LRRTM4: variants seen among roughly 807,000 people sequenced by gnomAD.
LRRTM4 encodes the protein leucine rich repeat transmembrane neuronal 4, also known as leucine-rich repeat transmembrane neuronal protein 4.
LRRTM4 carries 25 observed loss-of-function variants against 47.6 expected under a neutral mutation model. That is an observed-to-expected ratio of 0.53 (90% CI 0.38 to 0.73). LRRTM4 has a LOEUF of 0.73. Ranked by LOEUF, LRRTM4 falls within the 30% of genes least tolerant of loss-of-function variation. LRRTM4 has a pLI of 0.00. For missense variants in LRRTM4, 638 were observed against 713.4 expected (o/e 0.89, Z 1.20); for synonymous variants, 311 against 269.5 (o/e 1.15, Z -1.51).
intron 3 of LRRTM4, among the ~76,000 whole-genome samples, chr2:76,987,971 A>T (rs1288675975): frequency 6.6e-6 from 1 of 151,958 alleles, no homozygotes; most frequent in Non-Finnish European, 1.5e-5. Flanking sequence ...TCAAATGCTA[A>T]ATATGCAGGG....
intron 3 of LRRTM4, among the ~76,000 whole-genome samples, chr2:76,916,408 G>GAA (rs1674252298): frequency 9.4e-6 from 1 of 106,088 alleles, no homozygotes. Context: ...AAAAAAAAAA[G>GAA]AAAAGAAAAA....
At chr2:77,175,619 C>T (rs1452175449) in intron 3 of LRRTM4, among the ~76,000 whole-genome samples, 1 of 152,188 alleles carries the variant, frequency 6.6e-6, no homozygotes, top group Non-Finnish European at 1.5e-5. Context: ...TGACCTCCAC[C>T]TTCTCACCAC....
chr2:77,305,208 A>G (rs1347959127), intron 3 of LRRTM4, among the ~76,000 whole-genome samples: 3 of 152,052 alleles, frequency 2.0e-5, no homozygotes, highest in South Asian at 2.1e-4. Flanking sequence ...AACATCAATT[A>G]TCTAGTTTTC....
At chr2:77,082,684 AT>A (rs1558568999) in intron 3 of LRRTM4, among the ~76,000 whole-genome samples, 1 of 106,336 alleles carries the variant, frequency 9.4e-6, no homozygotes, top group African/African-American at 5.4e-5. Flanking sequence ...AAATATTAAC[AT>A]AAAGTAGAGA....
chr2:77,498,720 C>T (rs1463910520), intron 3 of LRRTM4, among the ~76,000 whole-genome samples: 1 of 151,746 alleles, frequency 6.6e-6, no homozygotes, highest in Non-Finnish European at 1.5e-5. Flanking sequence ...ATTCTTTAAG[C>T]CTATAGTACT....
intron 3 of LRRTM4, among the ~76,000 whole-genome samples, chr2:76,969,487 C>T (rs1676146836): frequency 6.6e-6 from 1 of 151,722 alleles, no homozygotes; most frequent in African/African-American, 2.4e-5. Context: ...AATTTTAGGC[C>T]ATTCAGGTGG....
Position 76,803,629 on chromosome 2 carries a change from CTTTTTAAAGAGTAAT to C in LRRTM4, c.1552-54728_1552-54714del, listed in dbSNP as rs1331229489. 2.6e-5 allele frequency among the ~76,000 whole-genome samples: 4 copies of C among 152,144 alleles called. No individual in the cohort carries two copies. In the South Asian group the frequency reaches 6.2e-4, roughly 24 times the overall value. On this transcript the variant is annotated intron_variant, in intron 3 of 3. Transcript: ENST00000409884. ...CAAAGGAAATAAAATCAGTGAAAAG[CTTTTTAAAGAGTAAT>C]TTTTTAAAGAGTATTTGAAGAAAAG... is the stretch of plus-strand genomic sequence containing the variant.
chr2:77,206,899 T>A (rs971487084), intron 3 of LRRTM4, among the ~76,000 whole-genome samples: 10 of 151,946 alleles, frequency 6.6e-5, no homozygotes, highest in Non-Finnish European at 1.3e-4. Flanking sequence ...ACATTTCACA[T>A]CAAAAACAGC....
At chr2:77,000,613 T>G (rs1432140258) in intron 3 of LRRTM4, among the ~76,000 whole-genome samples, 2 of 152,160 alleles carry the variant, frequency 1.3e-5, no homozygotes, top group Admixed American at 6.6e-5. Context: ...GTGGAAGGTA[T>G]CTCTTTATTG....
At chr2:77,185,618 A>C (rs1363768076) in intron 3 of LRRTM4, among the ~76,000 whole-genome samples, 2 of 152,274 alleles carry the variant, frequency 1.3e-5, no homozygotes, top group Non-Finnish European at 2.9e-5. Context: ...AAGATGGATA[A>C]GTCAAACTAA....
intron 3 of LRRTM4, among the ~76,000 whole-genome samples, chr2:77,359,345 C>T (rs995283441): frequency 1.3e-5 from 2 of 152,094 alleles, no homozygotes; most frequent in Admixed American, 1.3e-4. Flanking sequence ...ATCATTTCCT[C>T]TCTCAGGTAA....
chr2:77,211,350 G>A lies in LRRTM4; in HGVS notation c.1551+306968C>T, dbSNP rs572855308. On this transcript the variant is annotated intron_variant, in intron 3 of 3. Coordinates refer to ENST00000409884, the MANE Select transcript of LRRTM4 (RefSeq NM_001134745.3). ...AAAGCAGAGAGAGAGAATTAGAAAT[G>A]CTTTGGCTTCTCCTAGCCTCCTAAT... is the stretch of plus-strand genomic sequence containing the variant. Among the ~76,000 whole-genome samples, 4 of 152,252 alleles carry A rather than the reference G, an allele frequency of 2.6e-5. No homozygotes were observed. In the East Asian group the frequency reaches 5.8e-4, roughly 22 times the overall value.
At chr2:77,073,331 T>A (rs939621169) in intron 3 of LRRTM4, among the ~76,000 whole-genome samples, 2 of 152,138 alleles carry the variant, frequency 1.3e-5, no homozygotes, top group Non-Finnish European at 2.9e-5. Context: ...AGGCCAGAAA[T>A]TAAATACTAT....
intron 3 of LRRTM4, among the ~76,000 whole-genome samples, chr2:76,995,808 A>G (rs13388552): frequency 0.27 from 40,355 of 151,918 alleles, 5,506 homozygotes; most frequent in East Asian, 0.41. Context: ...AACTAGACAC[A>G]CATGGGTGAA....
intron 3 of LRRTM4, among the ~76,000 whole-genome samples, chr2:76,988,888 A>G (rs1044089989): frequency 1.3e-5 from 2 of 151,800 alleles, no homozygotes; most frequent in African/African-American, 2.4e-5. Context: ...CTGAAGCTAG[A>G]AAACTCAGAT....
At chr2:77,265,796 T>G (rs533620433) in intron 3 of LRRTM4, among the ~76,000 whole-genome samples, 43 of 152,286 alleles carry the variant, frequency 2.8e-4, no homozygotes, top group Non-Finnish European at 6.2e-4. Context: ...GAATTACACA[T>G]TTGTAAAACA....
At chr2:77,103,695 T>C (rs1456930072) in intron 3 of LRRTM4, among the ~76,000 whole-genome samples, 2 of 146,810 alleles carry the variant, frequency 1.4e-5, no homozygotes, top group Non-Finnish European at 3.0e-5. Context: ...TATATATACA[T>C]AGGCATACAT....
At chr2:77,385,088 A>G (rs1426257177) in intron 3 of LRRTM4, among the ~76,000 whole-genome samples, 3 of 152,152 alleles carry the variant, frequency 2.0e-5, no homozygotes, top group African/African-American at 7.2e-5. Context: ...AAGGTAAATA[A>G]TAACATTGTT....
intron 3 of LRRTM4, among the ~76,000 whole-genome samples, chr2:76,965,571 G>A (rs1017344166): frequency 6.6e-6 from 1 of 150,972 alleles, no homozygotes; most frequent in African/African-American, 2.4e-5. Flanking sequence ...ATACATACTT[G>A]CATATTTAAC....
Sources: gnomAD v4.1 joint callset for allele counts (sites outside exome capture counted in the v4.1 genomes callset) on GRCh38, gnomAD v4.1.1 for gene constraint, MANE v1.5 for transcripts, NCBI Gene and HGNC (gene_info 2026-07-23, HGNC 2026-07-21) for gene names.